The following RBFOX1 variants were observed in gnomAD, a reference collection of about 807,000 sequenced individuals.
The protein encoded by RBFOX1 is RNA binding protein fox-1 homolog 1.
In RBFOX1, 8 loss-of-function variants were observed where a neutral mutation model predicts 57.7. That is an observed-to-expected ratio of 0.14 (90% confidence interval 0.08 to 0.25). RBFOX1 has a LOEUF of 0.25. RBFOX1 is among the 10% of genes least tolerant of loss of function. The pLI, the probability that RBFOX1 is intolerant of heterozygous loss-of-function variation, is 1.00. For missense variants in RBFOX1, 611 were observed against 548.5 expected (o/e 1.11, Z -1.14); for synonymous variants, 326 against 222.4 (o/e 1.47, Z -4.15).
chr16:7,194,310 T>C (rs7189676), intron 4 of RBFOX1, among the ~76,000 whole-genome samples: 90,468 of 152,044 alleles, frequency 0.6, 27,067 homozygotes, highest in Middle Eastern at 0.64. Context: ...ATAAGTGATA[T>C]TGTTATTTTA....
Position 5,367,757 on chromosome 16 carries a change from G to T in RBFOX1, c.220-99459G>T, listed in dbSNP as rs79241991. Among the ~76,000 whole-genome samples, 398 of 152,288 alleles carry T rather than the reference G, an allele frequency of 2.6e-3. 4 individuals are homozygous for T. Among genetic ancestry groups the T allele is most frequent in the African/African-American group, 9.2e-3 (383 of 41,558 alleles). ...ATCTTGAGATTGAAAATGAGACAGG[G>T]CACACGGAGGGGAGATGCCTTGCCC... On this transcript the variant is annotated intron_variant, in intron 1 of 2. Transcript: ENST00000585867.
intron 1 of RBFOX1, among the ~76,000 whole-genome samples, chr16:6,183,508 A>AAAT (rs1225135948): frequency 2.7e-5 from 4 of 150,680 alleles, no homozygotes; most frequent in African/African-American, 9.7e-5. Flanking sequence ...ATAAATAAAT[A>AAAT]AATAAATAAA....
intron 4 of RBFOX1, among the ~76,000 whole-genome samples, chr16:7,516,652 C>T (rs916262723): frequency 8.5e-5 from 13 of 152,166 alleles, no homozygotes; most frequent in Admixed American, 7.9e-4. Flanking sequence ...CTTTTGTTTC[C>T]AGTGGCACAG....
At chr16:6,618,909 G>C (rs970292095) in intron 2 of RBFOX1, among the ~76,000 whole-genome samples, 1 of 152,134 alleles carries the variant, frequency 6.6e-6, no homozygotes, top group African/African-American at 2.4e-5. Flanking sequence ...AAGGAGCAGG[G>C]CCATCCGTAA....
At chr16:5,610,009 A>G (rs761849576) in intron 3 of RBFOX1, among the ~76,000 whole-genome samples, 6 of 152,074 alleles carry the variant, frequency 3.9e-5, no homozygotes, top group Admixed American at 6.6e-5. Context: ...CCTGCTTAGC[A>G]CCCTTCTTCT....
At chr16:5,287,903 A>G (rs1179278288) in intron 1 of RBFOX1, among the ~76,000 whole-genome samples, 1 of 152,230 alleles carries the variant, frequency 6.6e-6, no homozygotes, top group African/African-American at 2.4e-5. Flanking sequence ...GGATCCATTA[A>G]TGTACCTTAA....
intron 1 of RBFOX1, among the ~76,000 whole-genome samples, chr16:6,133,030 G>A (rs1414992488): frequency 1.6e-5 from 2 of 124,114 alleles, no homozygotes; most frequent in African/African-American, 3.2e-5. Flanking sequence ...TGTGCATTAT[G>A]TTGTGTAATT....
intron 3 of RBFOX1, among the ~76,000 whole-genome samples, chr16:6,717,445 A>G (rs2065049855): frequency 6.6e-6 from 1 of 152,194 alleles, no homozygotes; most frequent in African/African-American, 2.4e-5. Context: ...GTGGATCTGC[A>G]TGACACGTTT....
At chr16:7,424,696 C>T (rs1020827994) in intron 4 of RBFOX1, among the ~76,000 whole-genome samples, 1 of 152,126 alleles carries the variant, frequency 6.6e-6, no homozygotes, top group African/African-American at 2.4e-5. Flanking sequence ...AATGAAAGAA[C>T]CTATGGAAGG....
intron 3 of RBFOX1, among the ~76,000 whole-genome samples, chr16:6,743,969 A>G (rs1015299816): frequency 1.3e-5 from 2 of 151,774 alleles, no homozygotes; most frequent in African/African-American, 4.8e-5. Context: ...TGTCAATGTT[A>G]TCTTTTCAAT....
intron 9 of RBFOX1, among the ~76,000 whole-genome samples, chr16:7,600,243 A>T (rs971353773): frequency 6.6e-6 from 1 of 152,184 alleles, no homozygotes; most frequent in Non-Finnish European, 1.5e-5. Context: ...TATGGCACCT[A>T]AGGGGTTGAT....
At chr16:6,478,403 A>T (rs1597822681) in intron 2 of RBFOX1, among the ~76,000 whole-genome samples, 1 of 7,128 alleles carries the variant, frequency 1.4e-4, no homozygotes, top group African/African-American at 6.2e-4. Flanking sequence ...ATATATATAT[A>T]TATATATATA....
intron 3 of RBFOX1, among the ~76,000 whole-genome samples, chr16:5,758,990 A>C (rs1421135522): frequency 6.6e-6 from 1 of 152,238 alleles, no homozygotes; most frequent in Non-Finnish European, 1.5e-5. Flanking sequence ...CACCATTTGC[A>C]GTTAAACCAT....
At chr16:6,822,063 C>T (rs756367752) in intron 3 of RBFOX1, among the ~76,000 whole-genome samples, 1 of 152,130 alleles carries the variant, frequency 6.6e-6, no homozygotes, top group Non-Finnish European at 1.5e-5. Context: ...CATACTGAGA[C>T]TACTGCCAGT....
intron 4 of RBFOX1, among the ~76,000 whole-genome samples, chr16:7,328,387 G>A (rs1043084859): frequency 6.8e-6 from 1 of 146,964 alleles, no homozygotes; most frequent in African/African-American, 2.5e-5. Flanking sequence ...GGCTGAAGCA[G>A]AAGACTAGCT....
At chr16:5,358,543 G>T (rs1258947728) in intron 1 of RBFOX1, among the ~76,000 whole-genome samples, 3 of 152,158 alleles carry the variant, frequency 2.0e-5, no homozygotes, top group Non-Finnish European at 4.4e-5. Flanking sequence ...TATCCTTTGT[G>T]TTGCAAACTT....
At chr16:5,456,465 G>A (rs1489119687) in intron 1 of RBFOX1, among the ~76,000 whole-genome samples, 1 of 152,202 alleles carries the variant, frequency 6.6e-6, no homozygotes, top group Non-Finnish European at 1.5e-5. Context: ...CTGAGGGTCA[G>A]TGATGGTTCT....
At chr16:6,609,392 T>G (rs1368003308) in intron 2 of RBFOX1, among the ~76,000 whole-genome samples, 1 of 152,162 alleles carries the variant, frequency 6.6e-6, no homozygotes, top group Non-Finnish European at 1.5e-5. Context: ...TTGTCCAGGC[T>G]GGAGTGCAGT....
chr16:7,306,447 A>G (rs1317610241), intron 4 of RBFOX1, among the ~76,000 whole-genome samples: 1 of 152,212 alleles, frequency 6.6e-6, no homozygotes, highest in Non-Finnish European at 1.5e-5. Context: ...TCATGGTTCC[A>G]TATGAAGATA....
Sources: gnomAD v4.1 joint callset for allele counts (sites outside exome capture counted in the v4.1 genomes callset) on GRCh38, gnomAD v4.1.1 for gene constraint, MANE v1.5 for transcripts, NCBI Gene and HGNC (gene_info 2026-07-23, HGNC 2026-07-21) for gene names.